Variants in ERICH6 observed in about 807,000 individuals in gnomAD.
ERICH6 encodes the protein glutamate rich 6.
ERICH6 carries 71 observed loss-of-function variants against 71.0 expected under a neutral mutation model. The ratio of observed to expected loss-of-function variants is 1.00; its 90% CI spans 0.83 to 1.22. The LOEUF (loss-of-function observed/expected upper bound fraction) is 1.22, where lower values mean the gene tolerates loss of function less well. Ranked by LOEUF, ERICH6 falls within the 50% of genes most tolerant of loss-of-function variation. The pLI, the probability that ERICH6 is intolerant of heterozygous loss-of-function variation, is 0.00. For missense variants in ERICH6, 808 were observed against 797.2 expected, an observed-to-expected ratio of 1.01 and a Z score of -0.16; for synonymous variants, 262 against 278.4, an observed-to-expected ratio of 0.94 and a Z score of 0.59.
chr3:150,665,102 G>T (rs1423304863), intron 13 of ERICH6, among the ~76,000 whole-genome samples: 3 of 151,984 alleles, frequency 2.0e-5, no homozygotes, highest in Non-Finnish European at 4.4e-5. Flanking sequence ...AAAAGGAGGG[G>T]ATACTGCAGA....
intron 3 of ERICH6, among the ~76,000 whole-genome samples, chr3:150,697,202 C>T (rs1712686974): frequency 6.6e-6 from 1 of 152,122 alleles, no homozygotes; most frequent in Non-Finnish European, 1.5e-5. Context: ...CACACTACTA[C>T]ACTTTTATAT....
At chr3:150,669,586 T>G in intron 11 of ERICH6, 135 bp from the exon 12 acceptor site, 1 of 892,964 alleles carries the variant, frequency 1.1e-6, no homozygotes, top group Non-Finnish European at 1.7e-6. Context: ...TACAAAAGAT[T>G]TTATGCTTTT....
chr3:150,702,571 C>T (rs1286921119), intron 1 of ERICH6, among the ~76,000 whole-genome samples: 4 of 152,134 alleles, frequency 2.6e-5, no homozygotes, highest in Non-Finnish European at 4.4e-5. Flanking sequence ...CCACCGCGCC[C>T]GGCCTGGAGA....
intron 3 of ERICH6, among the ~76,000 whole-genome samples, chr3:150,690,632 A>C (rs1712398770): frequency 6.6e-6 from 1 of 152,232 alleles, no homozygotes; most frequent in South Asian, 2.1e-4. Flanking sequence ...CTTCAGTAAA[A>C]TCTTTAATAA....
intron 3 of ERICH6, among the ~76,000 whole-genome samples, chr3:150,697,141 A>C (rs1206228355): frequency 6.6e-6 from 1 of 152,186 alleles, no homozygotes. Context: ...GTGGAACAAC[A>C]GATTCGGTGT....
rs768275343 is a variant in ERICH6, at chr3:150,698,860, G to C, written c.484C>G (p.Pro162Ala). 6.2e-7 allele frequency: 1 copy of C among 1,613,824 alleles called. No individual in the cohort carries two copies. Among genetic ancestry groups the C allele is most frequent in the Non-Finnish European group, 8.5e-7 (1 of 1,179,864 alleles). Residue 162 changes from proline (P) to alanine (A), a missense_variant, in exon 3 of 14, where the codon CCA (proline) becomes GCA (alanine). By Grantham distance (27) the Pro-to-Ala change is conservative (BLOSUM62 -1). This residue lies in a region of ERICH6 where 736 missense variants were observed against 712.2 expected (regional missense o/e 1.03). Transcript: ENST00000295910. ...GTTTGTACTGATACTGGAATTCCTG[G>C]AGACAAATTGCGATGAATATTTCTG... ...IDRNIHRNLS[P>A]GIPVSVQTEE... is the part of the protein sequence containing the mutation.
intron 7 of ERICH6, among the ~76,000 whole-genome samples, chr3:150,681,807 C>CTTTTTTTTTT (rs34909258): frequency 7.1e-5 from 5 of 70,262 alleles, no homozygotes; most frequent in African/African-American, 1.2e-4. Context: ...ACACATAACT[C>CTTTTTTTTTT]TTTTTTTTTT....
At chr3:150,703,444 T>C in intron 1 of ERICH6, 52 bp downstream of exon 1, 6 of 1,498,884 alleles carry the variant, frequency 4.0e-6, no homozygotes, top group Non-Finnish European at 4.4e-6. Context: ...GTGGACCAGG[T>C]GCCCCCTGGA....
intron 3 of ERICH6, among the ~76,000 whole-genome samples, chr3:150,697,248 C>A (rs1175861572): frequency 6.6e-6 from 1 of 152,102 alleles, no homozygotes; most frequent in Non-Finnish European, 1.5e-5. Flanking sequence ...TGGAAAGATA[C>A]AAACCAACAT....
At chr3:150,676,692 G>C (rs1178620559) in intron 10 of ERICH6, among the ~76,000 whole-genome samples, 1 of 152,100 alleles carries the variant, frequency 6.6e-6, no homozygotes, top group East Asian at 1.9e-4. Flanking sequence ...ACCCAGGCTG[G>C]AGTGCATGAT....
At chr3:150,677,301 C>A (rs1029377776) in intron 10 of ERICH6, among the ~76,000 whole-genome samples, 1 of 151,834 alleles carries the variant, frequency 6.6e-6, no homozygotes, top group African/African-American at 2.4e-5. Flanking sequence ...AATTTAATTA[C>A]GAGAGGTCTA....
chr3:150,699,900 G>C (rs1231930537), intron 2 of ERICH6, among the ~76,000 whole-genome samples: 1 of 148,322 alleles, frequency 6.7e-6, no homozygotes, highest in Non-Finnish European at 1.5e-5. Context: ...AAATACAAAG[G>C]AAATGTTATT....
intron 9 of ERICH6, among the ~76,000 whole-genome samples, chr3:150,679,896 G>A (rs368770737): frequency 5.9e-5 from 9 of 152,174 alleles, no homozygotes; most frequent in Non-Finnish European, 1.0e-4. Flanking sequence ...GACCTCAGGC[G>A]ATCCACCCGC....
At chr3:150,693,514 G>A (rs893112224) in intron 3 of ERICH6, among the ~76,000 whole-genome samples, 10 of 152,194 alleles carry the variant, frequency 6.6e-5, no homozygotes, top group Non-Finnish European at 2.9e-5. Flanking sequence ...ATAGGTATTT[G>A]ATGGTACAAA....
Position 150,685,978 on chromosome 3 carries a change from T to C in ERICH6, c.654A>G (p.Leu218=). The change falls in exon 5 of 14, where the codon TTA becomes TTG. Residue 218 remains leucine (L), a synonymous_variant. Coordinates refer to ENST00000295910, the MANE Select transcript of ERICH6 (RefSeq NM_152394.5). The part of the protein sequence containing the change: ...INPEESKLNI[L]YELEFKEDFI... ...AAACATTTCTTACCTCCAGCTCATATAAAATATTTAGTTTCGACTCTTCTG... is the reference window on the plus strand; with the variant it reads ...AAACATTTCTTACCTCCAGCTCATACAAAATATTTAGTTTCGACTCTTCTG... 3 of 1,604,098 alleles carry C rather than the reference T, an allele frequency of 1.9e-6. No homozygotes were observed. Among genetic ancestry groups the C allele is most frequent in the Non-Finnish European group, 1.7e-6 (2 of 1,170,838 alleles).
Position 150,702,150 on chromosome 3 carries a change from C to T in ERICH6, c.432G>A (p.Arg144=), listed in dbSNP as rs1259132644. The T allele has an allele frequency of 6.3e-6, 10 of 1,581,152 alleles. No homozygotes were observed. Among genetic ancestry groups the T allele is most frequent in the Non-Finnish European group, 8.6e-6 (10 of 1,159,392 alleles). Residue 144 remains arginine (R), a synonymous_variant, in exon 2 of 14, where the codon AGG becomes AGA. Coordinates refer to ENST00000295910, the MANE Select transcript of ERICH6 (RefSeq NM_152394.5). ...KSFPKIFQTF[R]KDMSEMSIDR... ...CTATACTCATTTCAGACATGTCTTT[C>T]CTAAATGTCTGAAATATTTTAGGGA...
At chr3:150,698,182 T>C (rs966542232) in intron 3 of ERICH6, among the ~76,000 whole-genome samples, 2 of 148,906 alleles carry the variant, frequency 1.3e-5, no homozygotes, top group South Asian at 2.1e-4. Flanking sequence ...ATTCTCTATA[T>C]TGTTGCCATC....
At chr3:150,700,789 G>A (rs1712843705) in intron 2 of ERICH6, among the ~76,000 whole-genome samples, 1 of 152,028 alleles carries the variant, frequency 6.6e-6, no homozygotes, top group Admixed American at 6.6e-5. Context: ...TCACTATGTT[G>A]GCCAGGCTGG....
chr3:150,664,802 A>G (rs1477165765), intron 13 of ERICH6, among the ~76,000 whole-genome samples: 1 of 140,694 alleles, frequency 7.1e-6, no homozygotes, highest in African/African-American at 3.0e-5. Context: ...TTATTTCTGT[A>G]TTGTTTGAAT....
Sources: allele counts gnomAD v4.1 joint callset (sites outside exome capture counted in the v4.1 genomes callset), GRCh38; gene constraint gnomAD v4.1.1; regional missense constraint gnomAD v4.1.1; transcripts MANE v1.5; gene names NCBI Gene and HGNC (gene_info 2026-07-23, HGNC 2026-07-21).